The following RANBP17 variants were observed in gnomAD, a reference collection of about 807,000 sequenced individuals.
RANBP17 encodes the protein ran-binding protein 17.
RANBP17 carries 158 observed loss-of-function variants against 141.2 expected under a neutral mutation model. The observed-to-expected ratio is 1.12, with a 90% confidence interval of 0.98 to 1.28. The LOEUF is 1.28. Ranked by LOEUF, RANBP17 falls within the 50% of genes most tolerant of loss-of-function variation. RANBP17 has a pLI of 0.00. For missense variants in RANBP17, 1,438 were observed against 1,290.7 expected (o/e 1.11, Z -1.75); for synonymous variants, 430 against 450.0 (o/e 0.96, Z 0.56).
intron 14 of RANBP17, among the ~76,000 whole-genome samples, chr5:171,088,984 A>G (rs1323553599): frequency 1.3e-5 from 2 of 151,680 alleles, no homozygotes; most frequent in Non-Finnish European, 2.9e-5. Flanking sequence ...TTCTCCATCC[A>G]GCTTTGTTCC....
intron 14 of RANBP17, among the ~76,000 whole-genome samples, chr5:170,975,298 G>T (rs987567363): frequency 6.6e-6 from 1 of 152,156 alleles, no homozygotes; most frequent in African/African-American, 2.4e-5. Context: ...GGAGGCCGAG[G>T]TGGGTAGATC....
intron 18 of RANBP17, among the ~76,000 whole-genome samples, chr5:171,186,961 AGACCCAGCGTTTGACCTATTAAAGCTTTT>A (rs1761299509): frequency 6.6e-6 from 1 of 152,152 alleles, no homozygotes; most frequent in Non-Finnish European, 1.5e-5. Context: ...CTGGTGCAGG[AGACCCAGCGTTTGACCTATTAAAGCTTTT>A]GACATGTCTT....
intron 5 of RANBP17, chr5:170,897,202 G>C (rs899605133): frequency 2.8e-6 from 2 of 702,608 alleles, no homozygotes; most frequent in Admixed American, 3.6e-5. Flanking sequence ...ATTGGGCTGT[G>C]GATCACAAAG....
chr5:171,076,603 C>T (rs1490018987), intron 14 of RANBP17, among the ~76,000 whole-genome samples: 1 of 152,026 alleles, frequency 6.6e-6, no homozygotes, highest in Non-Finnish European at 1.5e-5. Context: ...TACCAAATAG[C>T]AAAAAAGATG....
Position 170,909,733 on chromosome 5 carries a change from G to A in RANBP17, c.562G>A (p.Val188Ile), listed in dbSNP as rs374800221. The A allele has an allele frequency of 8.8e-6, 14 of 1,586,432 alleles. No individual in the cohort carries two copies. Among genetic ancestry groups the A allele is most frequent in the Middle Eastern group, 1.7e-4 (1 of 5,992 alleles). ...ATTTCGTGATACTTCTCTCAAAGAC[G>A]TTTTAGTGCTAGCATGCTCTCTTTT... ...TSFRDTSLKDVLVLACSLLKE... is the reference protein window; with the variant it reads ...TSFRDTSLKDILVLACSLLKE... The change falls in exon 6 of 28, where the codon GTT becomes ATT. Residue 188 changes from valine to isoleucine, a missense_variant. Val to Ile is a conservative substitution (Grantham distance 29). Coordinates refer to ENST00000523189, the MANE Select transcript of RANBP17 (RefSeq NM_022897.5).
At chr5:170,990,679 C>T (rs993658899) in intron 14 of RANBP17, among the ~76,000 whole-genome samples, 1 of 151,924 alleles carries the variant, frequency 6.6e-6, no homozygotes, top group Non-Finnish European at 1.5e-5. Context: ...GTGCTGTGCA[C>T]GAGAAATTAG....
chr5:171,006,962 G>A (rs544868096), intron 14 of RANBP17, among the ~76,000 whole-genome samples: 1 of 152,246 alleles, frequency 6.6e-6, no homozygotes, highest in East Asian at 1.9e-4. Context: ...AGCTATACCT[G>A]GGGAATCTGC....
intron 5 of RANBP17, chr5:170,904,526 ATTTC>A (rs1199114036): frequency 2.6e-5 from 4 of 152,194 alleles, no homozygotes; most frequent in Non-Finnish European, 4.4e-5. Flanking sequence ...CTGTTTCAGT[ATTTC>A]TTTGAGATTC....
In RANBP17 at chr5:171,231,561, G is replaced by A. The variant is rs147448872; in HGVS notation, c.2423-9367G>A. Among the ~76,000 whole-genome samples the A allele has an allele frequency of 3.6e-3, 552 of 152,244 alleles. 2 individuals are homozygous for A. Among genetic ancestry groups the A allele is most frequent in the South Asian group, 6.4e-3 (31 of 4,830 alleles). Reference sequence around the variant, plus strand: ...TTGCACATGAGATCACTCAAGAAGTGGTTGCATCTGACTGAGAGACTAGAA... The same window carrying A: ...TTGCACATGAGATCACTCAAGAAGTAGTTGCATCTGACTGAGAGACTAGAA... On this transcript the variant is annotated intron_variant, in intron 22 of 27. Coordinates refer to ENST00000523189, the MANE Select transcript of RANBP17 (RefSeq NM_022897.5).
intron 16 of RANBP17, among the ~76,000 whole-genome samples, chr5:171,172,435 G>A (rs1443560412): frequency 6.6e-6 from 1 of 150,668 alleles, no homozygotes; most frequent in Non-Finnish European, 1.5e-5. Flanking sequence ...ACCTGTCTAG[G>A]CTGTTTTTCC....
intron 1 of RANBP17, among the ~76,000 whole-genome samples, chr5:170,874,349 T>A (rs1488590837): frequency 2.6e-5 from 4 of 152,242 alleles, no homozygotes; most frequent in Non-Finnish European, 5.9e-5. Flanking sequence ...TCAGGTCCCC[T>A]TGATCCAGAG....
intron 5 of RANBP17, chr5:170,904,193 C>G (rs1358620766): frequency 3.4e-6 from 1 of 292,782 alleles, no homozygotes; most frequent in Non-Finnish European, 6.9e-6. Context: ...GCCTGTCCCT[C>G]CTGTGGACCA....
At chr5:171,053,335 G>A (rs1783092743) in intron 14 of RANBP17, among the ~76,000 whole-genome samples, 1 of 152,050 alleles carries the variant, frequency 6.6e-6, no homozygotes, top group Non-Finnish European at 1.5e-5. Context: ...CTAAGAGATA[G>A]CTTTTCAACT....
intron 20 of RANBP17, chr5:171,207,935 T>C (rs545828738): frequency 1.3e-4 from 20 of 152,178 alleles, no homozygotes; most frequent in Non-Finnish European, 2.5e-4. Flanking sequence ...CAGATTCTTT[T>C]CAAAGTATTC....
chr5:171,125,005 A>C (rs1295415851), intron 14 of RANBP17, among the ~76,000 whole-genome samples: 10 of 152,228 alleles, frequency 6.6e-5, no homozygotes, highest in Admixed American at 6.5e-4. Flanking sequence ...ATTGAAAGTA[A>C]AGGGATGGGC....
intron 13 of RANBP17, among the ~76,000 whole-genome samples, chr5:170,965,170 G>A (rs1247571528): frequency 2.9e-4 from 44 of 152,004 alleles, no homozygotes; most frequent in African/African-American, 9.7e-4. Context: ...ATTTTTTCAT[G>A]TGTCTTTTGG....
chr5:171,035,094 A>T (rs538366854), intron 14 of RANBP17, among the ~76,000 whole-genome samples: 1 of 152,280 alleles, frequency 6.6e-6, no homozygotes, highest in South Asian at 2.1e-4. Flanking sequence ...AGTATAAGAA[A>T]TGCTAGATGG....
chr5:171,175,620 G>A (rs1157159374), intron 16 of RANBP17, among the ~76,000 whole-genome samples: 1 of 151,980 alleles, frequency 6.6e-6, no homozygotes, highest in Non-Finnish European at 1.5e-5. Context: ...GTGGGCGAAG[G>A]ATAGGAACAG....
chr5:171,068,293 G>A (rs1451102332), intron 14 of RANBP17, among the ~76,000 whole-genome samples: 1 of 151,932 alleles, frequency 6.6e-6, no homozygotes, highest in African/African-American at 2.4e-5. Context: ...TTACCTACTT[G>A]TTCACACATT....
Sources: allele counts gnomAD v4.1 joint callset (sites outside exome capture counted in the v4.1 genomes callset), GRCh38; gene constraint gnomAD v4.1.1; transcripts MANE v1.5; gene names NCBI Gene and HGNC (gene_info 2026-07-23, HGNC 2026-07-21).